The following EPHB1 variants were observed in gnomAD, a reference collection of about 807,000 sequenced individuals.
EPHB1 encodes the protein EPH receptor B1, also known as ephrin type-B receptor 1.
A neutral mutation model predicts 94.4 loss-of-function variants in EPHB1; 30 were observed. The observed-to-expected ratio is 0.32, with a 90% CI of 0.24 to 0.43. The LOEUF (loss-of-function observed/expected upper bound fraction) is 0.43. Among genes scored for constraint, EPHB1 ranks in the 20% least tolerant of loss-of-function variants. EPHB1 has a pLI of 1.00. For missense variants in EPHB1, 1,055 were observed against 1,308.3 expected (o/e 0.81, Z 2.99); for synonymous variants, 522 against 489.1 (o/e 1.07, Z -0.89).
At position 134,795,649 on chromosome 3, in the gene EPHB1, A is replaced by G. The variant is rs2108280259; in HGVS notation, c.18A>G (p.Leu6=). The G allele has an allele frequency of 3.1e-6, 5 of 1,609,280 alleles. No homozygotes were observed. The highest frequency in any genetic ancestry group is 4.2e-6 in the Non-Finnish European group (5 of 1,178,188). The change falls in exon 1 of 16, where the codon CTA becomes CTG. Residue 6 remains leucine (L), a synonymous_variant. Transcript: ENST00000398015. ...GGCCGGCGATGGCCCTGGATTATCT[A>G]CTACTGCTCCTCCTGGCATCCGCAG... MALDY[L]LLLLLASAVA...
intron 1 of EPHB1, among the ~76,000 whole-genome samples, chr3:134,826,322 GTTC>G (rs2036478078): frequency 6.6e-6 from 1 of 151,544 alleles, no homozygotes; most frequent in Non-Finnish European, 1.5e-5. Flanking sequence ...CAATTAGGAA[GTTC>G]TTCTTGTTAT....
chr3:134,830,874 A>G (rs2036569613), intron 1 of EPHB1, among the ~76,000 whole-genome samples: 1 of 152,184 alleles, frequency 6.6e-6, no homozygotes. Context: ...AGGGTGCTAC[A>G]GACTGAGTCA....
At chr3:135,251,314 T>G (rs1230438295) in intron 15 of EPHB1, among the ~76,000 whole-genome samples, 2 of 152,188 alleles carry the variant, frequency 1.3e-5, no homozygotes, top group African/African-American at 4.8e-5. Flanking sequence ...TGCCCCTAGA[T>G]AATCAGAGGG....
intron 4 of EPHB1, among the ~76,000 whole-genome samples, chr3:135,117,171 G>A (rs1433484243): frequency 2.0e-5 from 3 of 152,230 alleles, no homozygotes; most frequent in African/African-American, 7.2e-5. Context: ...CCTGCCAAGA[G>A]GGTTTCTGAA....
At chr3:134,862,441 A>G (rs982413488) in intron 1 of EPHB1, among the ~76,000 whole-genome samples, 1 of 151,604 alleles carries the variant, frequency 6.6e-6, no homozygotes, top group Non-Finnish European at 1.5e-5. Flanking sequence ...CTGCTTGGTC[A>G]TGGATTTATT....
Position 135,253,237 on chromosome 3 carries a change from T to C in EPHB1, c.2846+3746T>C, listed in dbSNP as rs1190695287. 4.9e-3 allele frequency among the ~76,000 whole-genome samples: 739 copies of C among 151,432 alleles called. 3 individuals are homozygous for C. Among genetic ancestry groups the C allele is most frequent in the African/African-American group, 0.013 (544 of 41,466 alleles). On this transcript the variant is annotated intron_variant, in intron 15 of 15. Transcript: ENST00000398015. ...TTTAATTAGATCCCATTTGTCAATT[T>C]TGGCTTTTGTTGCCATTGCTTTTGG...
chr3:135,047,131 TCTC>T (rs1418156566), intron 3 of EPHB1, among the ~76,000 whole-genome samples: 3 of 152,016 alleles, frequency 2.0e-5, no homozygotes, highest in Non-Finnish European at 2.9e-5. Flanking sequence ...CAGGTTCACT[TCTC>T]CTACATAGTG....
At chr3:134,916,457 G>T (rs1405380827) in intron 1 of EPHB1, among the ~76,000 whole-genome samples, 1 of 152,244 alleles carries the variant, frequency 6.6e-6, no homozygotes, top group African/African-American at 2.4e-5. Flanking sequence ...TGGCAGGGTG[G>T]GGTGGGGAGG....
rs1188907425 is a variant in EPHB1, at chr3:135,030,379, T to C, written c.806-76069T>C. The stretch of plus-strand genomic sequence containing the variant: ...TTTATCTACTTTTGGTCTTTGATGA[T>C]GGTGATGTACAGATGGGTTTTTGGT... On this transcript the variant is annotated intron_variant, in intron 3 of 15. Coordinates refer to ENST00000398015, the MANE Select transcript of EPHB1 (RefSeq NM_004441.5). Among the ~76,000 whole-genome samples the C allele has an allele frequency of 3.3e-5, 5 of 152,340 alleles. No homozygotes were observed. In the East Asian group the frequency reaches 9.6e-4, roughly 29 times the overall value.
At chr3:134,899,259 C>A (rs568990883) in intron 1 of EPHB1, among the ~76,000 whole-genome samples, 1 of 152,090 alleles carries the variant, frequency 6.6e-6, no homozygotes, top group Non-Finnish European at 1.5e-5. Context: ...TTCTCAGCTG[C>A]AGGGCTTCAG....
At chr3:135,157,229 C>G (rs181048851) in intron 6 of EPHB1, among the ~76,000 whole-genome samples, 91 of 152,268 alleles carry the variant, frequency 6.0e-4, no homozygotes, top group Non-Finnish European at 1.1e-3. Flanking sequence ...ATGTTAGAGA[C>G]CATATACTCC....
At chr3:135,216,958 G>A (rs1487702754) in intron 12 of EPHB1, among the ~76,000 whole-genome samples, 1 of 152,090 alleles carries the variant, frequency 6.6e-6, no homozygotes, top group Admixed American at 6.6e-5. Flanking sequence ...AAGGCAGTTC[G>A]GTGTGCCTGA....
At chr3:134,875,287 C>T (rs2037593746) in intron 1 of EPHB1, among the ~76,000 whole-genome samples, 1 of 152,146 alleles carries the variant, frequency 6.6e-6, no homozygotes, top group African/African-American at 2.4e-5. Flanking sequence ...AACTGACCTG[C>T]CCACCTGGTG....
At chr3:135,224,429 C>T (rs1218266408) in intron 12 of EPHB1, among the ~76,000 whole-genome samples, 1 of 152,104 alleles carries the variant, frequency 6.6e-6, no homozygotes, top group Non-Finnish European at 1.5e-5. Flanking sequence ...TGTGTCCTTC[C>T]TAGGCTATTA....
intron 1 of EPHB1, among the ~76,000 whole-genome samples, chr3:134,895,481 C>A (rs2038070050): frequency 6.6e-6 from 1 of 152,166 alleles, no homozygotes; most frequent in Non-Finnish European, 1.5e-5. Context: ...GTTACCAATG[C>A]ATTTTTTCCA....
intron 9 of EPHB1, among the ~76,000 whole-genome samples, chr3:135,175,463 A>G (rs1165753412): frequency 6.6e-6 from 1 of 152,250 alleles, no homozygotes; most frequent in East Asian, 1.9e-4. Flanking sequence ...AATCTCAACT[A>G]TAGCATAAGT....
chr3:134,816,059 T>TTA (rs2036263576), intron 1 of EPHB1, among the ~76,000 whole-genome samples: 1 of 230 alleles, frequency 4.3e-3, no homozygotes, highest in Non-Finnish European at 0.011. Context: ...AGGTACTTTT[T>TTA]TTCTTTTTTC....
chr3:135,111,525 G>A (rs1424645531), intron 4 of EPHB1, among the ~76,000 whole-genome samples: 1 of 152,150 alleles, frequency 6.6e-6, no homozygotes, highest in Non-Finnish European at 1.5e-5. Context: ...GCTGCAGGGA[G>A]GGGGGCTGTG....
At chr3:135,047,327 A>G (rs777831360) in intron 3 of EPHB1, among the ~76,000 whole-genome samples, 3 of 152,198 alleles carry the variant, frequency 2.0e-5, no homozygotes, top group Non-Finnish European at 2.9e-5. Flanking sequence ...CCAAATTGCA[A>G]CTTTCACAAG....
Sources: allele counts gnomAD v4.1 joint callset (sites outside exome capture counted in the v4.1 genomes callset), GRCh38; gene constraint gnomAD v4.1.1; transcripts MANE v1.5; gene names NCBI Gene and HGNC (gene_info 2026-07-23, HGNC 2026-07-21).